COL10A1: variants seen among roughly 807,000 people sequenced by gnomAD.
COL10A1 encodes collagen type X alpha 1 chain.
Under a neutral mutation model 18.2 loss-of-function variants are expected in COL10A1, and 10 were observed. The ratio of observed to expected loss-of-function variants is 0.55; its 90% CI spans 0.34 to 0.93. The LOEUF is 0.93. Ranked by LOEUF, COL10A1 falls within the 40% of genes least tolerant of loss-of-function variation. The pLI is 0.02. For missense variants in COL10A1, 897 were observed against 853.5 expected (o/e 1.05, Z -0.64); for synonymous variants, 330 against 316.6 (o/e 1.04, Z -0.45).
chr6:116,143,402 C>T (rs1050618838), intron 1 of COL10A1, among the ~76,000 whole-genome samples: 3 of 152,040 alleles, frequency 2.0e-5, no homozygotes, highest in East Asian at 1.9e-4. Flanking sequence ...TTAGTAGAGA[C>T]GGTGTTTCAC....
At chr6:116,133,995 A>T (rs754229947) in intron 1 of COL10A1, among the ~76,000 whole-genome samples, 1 of 152,208 alleles carries the variant, frequency 6.6e-6, no homozygotes, top group Non-Finnish European at 1.5e-5. Flanking sequence ...AGTCAAAAAT[A>T]ACTCTTGCCA....
intron 1 of COL10A1, among the ~76,000 whole-genome samples, chr6:116,138,592 G>A (rs1055696876): frequency 6.6e-6 from 1 of 151,818 alleles, no homozygotes; most frequent in South Asian, 2.1e-4. Context: ...TTTTTATTTC[G>A]AAGAAGTGTC....
At chr6:116,211,123 A>G in the COL10A1 span, among the ~76,000 whole-genome samples, 2 of 152,076 alleles carry the variant, frequency 1.3e-5, no homozygotes, top group African/African-American at 2.4e-5. Context: ...TAAGAAGTCC[A>G]ACTACTGTGA....
the COL10A1 span, among the ~76,000 whole-genome samples, chr6:116,199,216 G>C: frequency 6.6e-6 from 1 of 152,074 alleles, no homozygotes; most frequent in Non-Finnish European, 1.5e-5. Context: ...ATAGACAAGA[G>C]AGTTTGTCAG....
chr6:116,199,262 T>C, the COL10A1 span, among the ~76,000 whole-genome samples: 1 of 152,108 alleles, frequency 6.6e-6, no homozygotes, highest in African/African-American at 2.4e-5. Flanking sequence ...GAAAGGACTA[T>C]CTTCTGGAAG....
chr6:116,121,203 C>A lies in COL10A1; in HGVS notation c.913G>T (p.Gly305Cys), dbSNP rs777254139. Reference sequence around the variant, plus strand: ...GCAGGTCCTCTTTCTCCCTTCAGGCCTGGCAAGCCTGGTTTCCCAAAGCCA... The same window carrying A: ...GCAGGTCCTCTTTCTCCCTTCAGGCATGGCAAGCCTGGTTTCCCAAAGCCA... ...PPGFGKPGLPGLKGERGPAGL... is the reference protein window; with the variant it reads ...PPGFGKPGLPCLKGERGPAGL... Residue 305 changes from glycine (G) to cysteine (C), a missense_variant, in exon 3 of 3, where the codon GGC becomes TGC. Coordinates refer to ENST00000651968, the MANE Select transcript of COL10A1 (RefSeq NM_000493.4). 7.4e-6 allele frequency: 12 copies of A among 1,613,604 alleles called. No homozygotes were observed. The highest frequency in any genetic ancestry group is 1.0e-5 in the Non-Finnish European group (12 of 1,179,886).
chr6:116,151,156 G>T (rs565577272), intron 1 of COL10A1, among the ~76,000 whole-genome samples: 2 of 151,952 alleles, frequency 1.3e-5, no homozygotes, highest in South Asian at 2.1e-4. Context: ...TTTGCTTCCG[G>T]GCAGCTATCT....
rs897753177 is a variant in COL10A1 at position 116,156,638 on chromosome 6, T to G, written c.-16+1976A>C. On this transcript the variant is annotated intron_variant, in intron 1 of 1. Transcript: ENST00000418500. The stretch of plus-strand genomic sequence containing the variant: ...ATTTAGAGTTTCCTTGAAAGATGAC[T>G]TTGGTCATGTAGAGATAGGGGAGAG... 4.5e-4 allele frequency among the ~76,000 whole-genome samples: 68 copies of G among 152,194 alleles called. 1 individual carries two copies. The highest frequency in any genetic ancestry group is 4.5e-3 in the Admixed American group (68 of 15,280).
At chr6:116,178,084 TGTGTGCGCGCGC>T in the COL10A1 span, among the ~76,000 whole-genome samples, 257 of 91,918 alleles carry the variant, frequency 2.8e-3, 2 homozygotes, top group African/African-American at 0.014. Flanking sequence ...TGTGTGTGTG[TGTGTGCGCGCGC>T]GCGCGCGTGC....
chr6:116,139,931 C>G (rs915256353), intron 1 of COL10A1, among the ~76,000 whole-genome samples: 3 of 152,118 alleles, frequency 2.0e-5, no homozygotes, highest in Non-Finnish European at 4.4e-5. Context: ...ACTTTGTGTT[C>G]AGATTGGACT....
chr6:116,182,222 A>T, the COL10A1 span, among the ~76,000 whole-genome samples: 3 of 124,688 alleles, frequency 2.4e-5, no homozygotes, highest in East Asian at 3.0e-4. Flanking sequence ...TTCCATGGAG[A>T]GTGTGTGTGT....
At chr6:116,144,632 T>A (rs1450108401) in intron 1 of COL10A1, among the ~76,000 whole-genome samples, 1 of 152,258 alleles carries the variant, frequency 6.6e-6, no homozygotes, top group Non-Finnish European at 1.5e-5. Context: ...CCTTGATTTT[T>A]AATGAGTTAG....
At chr6:116,168,494 C>T in the COL10A1 span, among the ~76,000 whole-genome samples, 1 of 152,054 alleles carries the variant, frequency 6.6e-6, no homozygotes, top group East Asian at 1.9e-4. Flanking sequence ...TTTAGAGCTT[C>T]CTGAATTTAT....
rs1376587002 is a variant in COL10A1 at position 116,120,303 on chromosome 6, C to T, written c.1813G>A (p.Val605Met). The change falls in exon 3 of 3, where the codon GTG (valine) becomes ATG (methionine). Residue 605 changes from valine (V) to methionine (M), a missense_variant. Val to Met is a conservative substitution (Grantham distance 21, BLOSUM62 1). Transcript: ENST00000651968. ...CCTACCCAAACATGAGTCCCTTTCACATGCACGTGGTATGAAAAATAGTAT... is the reference window on the plus strand; with the variant it reads ...CCTACCCAAACATGAGTCCCTTTCATATGCACGTGGTATGAAAAATAGTAT... ...GIYYFSYHVH[V>M]KGTHVWVGLY... 1 of 1,614,234 alleles carries T rather than the reference C, an allele frequency of 6.2e-7. No individual in the cohort carries two copies. Among genetic ancestry groups the T allele is most frequent in the South Asian group, 1.1e-5 (1 of 91,086 alleles).
At chr6:116,194,738 T>C in the COL10A1 span, among the ~76,000 whole-genome samples, 3 of 151,942 alleles carry the variant, frequency 2.0e-5, no homozygotes, top group Non-Finnish European at 4.4e-5. Flanking sequence ...ATGTAAATTA[T>C]CAGAAGAGTT....
chr6:116,133,951 G>A (rs1038423352), intron 1 of COL10A1, among the ~76,000 whole-genome samples: 7 of 152,236 alleles, frequency 4.6e-5, no homozygotes, highest in African/African-American at 1.4e-4. Context: ...GATCTTATTA[G>A]TGCTGAAATT....
upstream of COL10A1, among the ~76,000 whole-genome samples, chr6:116,128,445 A>G (rs947953332): frequency 2.0e-5 from 3 of 152,168 alleles, no homozygotes; most frequent in African/African-American, 7.2e-5. Flanking sequence ...CATTCCACTC[A>G]AAACAGAGAG....
At chr6:116,157,023 G>A (rs1056166875) in intron 1 of COL10A1, among the ~76,000 whole-genome samples, 5 of 152,070 alleles carry the variant, frequency 3.3e-5, no homozygotes, top group African/African-American at 7.2e-5. Flanking sequence ...TTGCCTAAGT[G>A]CGTTCACTTC....
upstream of COL10A1, among the ~76,000 whole-genome samples, chr6:116,163,141 A>AAAAAATAT (rs761718922): frequency 4.8e-3 from 425 of 88,310 alleles, 14 homozygotes; most frequent in African/African-American, 0.02. Flanking sequence ...AAAAAAAAAA[A>AAAAAATAT]ATATATATAT....
Sources: gnomAD v4.1 joint callset for allele counts (sites outside exome capture counted in the v4.1 genomes callset) on GRCh38, gnomAD v4.1.1 for gene constraint, MANE v1.5 for transcripts, NCBI Gene and HGNC (gene_info 2026-07-23, HGNC 2026-07-21) for gene names.